The following LRP6 variants were observed in gnomAD, a reference collection of about 807,000 sequenced individuals.
The protein encoded by LRP6 is low-density lipoprotein receptor-related protein 6.
A neutral mutation model predicts 184.1 loss-of-function variants in LRP6; 43 were observed. The observed-to-expected ratio is 0.23, with a 90% confidence interval of 0.18 to 0.30. The LOEUF (loss-of-function observed/expected upper bound fraction) is 0.30. Among genes scored for constraint, LRP6 ranks in the 10% least tolerant of loss-of-function variants. The pLI is 1.00. For missense variants in LRP6, 1,571 were observed against 2,005.3 expected (o/e 0.78, Z 4.14); for synonymous variants, 719 against 684.9 (o/e 1.05, Z -0.78).
chr12:12,232,988 T>C (rs1864831658), intron 2 of LRP6, among the ~76,000 whole-genome samples: 1 of 152,182 alleles, frequency 6.6e-6, no homozygotes, highest in African/African-American at 2.4e-5. Flanking sequence ...CATCTGAACC[T>C]ACTGAATAAT....
chr12:12,221,482 T>C (rs1864487823), intron 2 of LRP6, among the ~76,000 whole-genome samples: 2 of 152,276 alleles, frequency 1.3e-5, no homozygotes, highest in African/African-American at 2.4e-5. Flanking sequence ...ATCAGCAACA[T>C]CATGAAATAC....
chr12:12,175,568 TC>T (rs1351326096), intron 7 of LRP6, among the ~76,000 whole-genome samples: 1 of 150,458 alleles, frequency 6.6e-6, no homozygotes, highest in Non-Finnish European at 1.5e-5. Flanking sequence ...ACGCCTGTAG[TC>T]CCAGCTACTC....
intron 1 of LRP6, among the ~76,000 whole-genome samples, chr12:12,246,678 A>C (rs1865193743): frequency 6.6e-6 from 1 of 151,928 alleles, no homozygotes; most frequent in South Asian, 2.1e-4. Context: ...TCTCAAAAAA[A>C]AAAAAAAGAG....
chr12:12,156,890 C>T (rs1476183598), intron 12 of LRP6, among the ~76,000 whole-genome samples: 3 of 152,240 alleles, frequency 2.0e-5, no homozygotes, highest in Non-Finnish European at 4.4e-5. Context: ...AGTTAGCCCA[C>T]TGATGGGGGT....
intron 15 of LRP6, among the ~76,000 whole-genome samples, chr12:12,139,422 T>C (rs1366274544): frequency 6.6e-6 from 1 of 152,192 alleles, no homozygotes; most frequent in Non-Finnish European, 1.5e-5. Context: ...TCTACTAATA[T>C]GGTGATTGAA....
chr12:12,164,988 G>A (rs774404120), intron 8 of LRP6, 91 bp downstream of exon 8: 6 of 665,946 alleles, frequency 9.0e-6, no homozygotes, highest in Non-Finnish European at 1.5e-5. Flanking sequence ...TTTCAAAATT[G>A]CCTCAAAACA....
rs10661340 is a variant in LRP6, at chr12:12,231,180, C to CAAAAAAAA, written c.449+13074_449+13081dup. Among the ~76,000 whole-genome samples, 83 of 23,564 alleles carry CAAAAAAAA rather than the reference C, an allele frequency of 3.5e-3. 26 individuals are homozygous for CAAAAAAAA. Among genetic ancestry groups the CAAAAAAAA allele is most frequent in the South Asian group, 5.9e-3 (2 of 338 alleles). 15.5% of individuals were successfully genotyped at this position (23,564 alleles called of 152,430 possible). On this transcript the variant is annotated intron_variant, in intron 2 of 22. Transcript: ENST00000261349. ...TGGATGACAGAGCAAGACTCCATCT[C>CAAAAAAAA]AAAAAAAAAAAAAAAAAAAAAAAAA...
intron 8 of LRP6, 121 bp downstream of exon 8, chr12:12,164,958 C>CGG (rs946966393): frequency 1.3e-5 from 3 of 225,018 alleles, no homozygotes; most frequent in Non-Finnish European, 1.6e-5. Context: ...AAAAAAAAGG[C>CGG]GGGGGGGCAG....
chr12:12,186,972 G>A lies in LRP6; in HGVS notation c.795C>T (p.Ile265=). 1 of 1,614,150 alleles carries A rather than the reference G, an allele frequency of 6.2e-7. No individual in the cohort carries two copies. The highest frequency in any genetic ancestry group is 8.5e-7 in the Non-Finnish European group (1 of 1,180,018). ...GEGLREIHSD[I]FSPMDIHAFS... ...AGGCATGTATATCCATGGGAGAGAA[G>A]ATGTCAGAATGGATTTCACGCAGAC... is the stretch of plus-strand genomic sequence containing the variant. The change falls in exon 4 of 23, where the codon ATC becomes ATT. Residue 265 remains isoleucine (I), a synonymous_variant. Coordinates refer to ENST00000261349, the MANE Select transcript of LRP6 (RefSeq NM_002336.3).
rs751555652 is a variant in LRP6 at position 12,121,292 on chromosome 12, T to C, written c.4676A>G (p.Asp1559Gly). ...SVATAKGYTS[D>G]LNYDSEPVPP... ...CACAGGTTCTGAATCATAGTTCAAG[T>C]CACTGGTATAGCCCTTGGCTGTTGC... The change falls in exon 23 of 23, where the codon GAC becomes GGC. Residue 1559 changes from aspartate to glycine, a missense_variant. Transcript: ENST00000261349. The C allele has an allele frequency of 3.7e-6, 6 of 1,614,162 alleles. No homozygotes were observed. Among genetic ancestry groups the C allele is most frequent in the Non-Finnish European group, 5.1e-6 (6 of 1,180,034 alleles).
At chr12:12,261,810 C>A (rs980541858) in intron 1 of LRP6, among the ~76,000 whole-genome samples, 1 of 152,078 alleles carries the variant, frequency 6.6e-6, no homozygotes, top group Admixed American at 6.6e-5. Context: ...CTTTATAACA[C>A]CTGATTTTAA....
chr12:12,206,637 G>A (rs985959102), intron 2 of LRP6, among the ~76,000 whole-genome samples: 4 of 151,904 alleles, frequency 2.6e-5, no homozygotes, highest in Admixed American at 6.6e-5. Flanking sequence ...GGCCAGGTAC[G>A]GTGACTCATG....
intron 11 of LRP6, 44 bp downstream of exon 11, chr12:12,159,736 C>T: frequency 6.3e-7 from 1 of 1,577,294 alleles, no homozygotes; most frequent in Non-Finnish European, 8.7e-7. Context: ...CTGATATTTG[C>T]ATGGAAAGAA....
At position 12,129,561 on chromosome 12, in the gene LRP6, C is replaced by CT. The variant is rs558494694; in HGVS notation, c.4081+1221dup. Among the ~76,000 whole-genome samples the CT allele has an allele frequency of 1.9e-3, 287 of 150,408 alleles. 1 individual carries two copies. The highest frequency in any genetic ancestry group is 6.3e-3 in the African/African-American group (257 of 41,050). ...TTGATCAACACCCAGTCTTTTTTTT[C>CT]TTTTTTTTTGAGATGGAGTCTCGCC... On this transcript the variant is annotated intron_variant, in intron 19 of 22. Transcript: ENST00000261349.
intron 7 of LRP6, among the ~76,000 whole-genome samples, chr12:12,174,955 C>G (rs1242911340): frequency 6.6e-6 from 1 of 152,186 alleles, no homozygotes; most frequent in Non-Finnish European, 1.5e-5. Context: ...GAAGCTTACT[C>G]TAAGATTTAA....
intron 12 of LRP6, chr12:12,155,581 G>C (rs1950140950): frequency 1.3e-6 from 1 of 746,854 alleles, no homozygotes; most frequent in African/African-American, 1.7e-5. Context: ...GCTTCCTAAA[G>C]GAAGCTATCA....
chr12:12,158,980 G>A lies in LRP6; in HGVS notation c.2640C>T (p.Leu880=), dbSNP rs151241193. ...QGHLDYVMDI[L]VFHSSRQSGW... ...CTGACTGTCGAGATGAGTGAAAGAC[G>A]AGGATGTCCATCACATAATCCAAAT... The change falls in exon 12 of 23, where the codon CTC becomes CTT. Residue 880 remains leucine (L), a synonymous_variant. Coordinates refer to ENST00000261349, the MANE Select transcript of LRP6 (RefSeq NM_002336.3). The A allele has an allele frequency of 4.6e-5, 75 of 1,614,042 alleles. 1 individual carries two copies. In the African/African-American group the frequency reaches 8.1e-4, roughly 18 times the overall value.
At chr12:12,224,219 C>T (rs959588962) in intron 2 of LRP6, among the ~76,000 whole-genome samples, 8 of 152,204 alleles carry the variant, frequency 5.3e-5, no homozygotes, top group African/African-American at 1.9e-4. Flanking sequence ...AAGGTCCACG[C>T]TTTCTGCTAT....
chr12:12,227,482 A>G (rs1864658727), intron 2 of LRP6, among the ~76,000 whole-genome samples: 1 of 149,706 alleles, frequency 6.7e-6, no homozygotes, highest in African/African-American at 2.5e-5. Flanking sequence ...ATCTCGCCTC[A>G]CTGCAACCTC....
Sources: allele counts gnomAD v4.1 joint callset (sites outside exome capture counted in the v4.1 genomes callset), GRCh38; gene constraint gnomAD v4.1.1; transcripts MANE v1.5; gene names NCBI Gene and HGNC (gene_info 2026-07-23, HGNC 2026-07-21).